Variants in FAM135A observed in about 807,000 individuals in gnomAD.
FAM135A encodes family with sequence similarity 135 member A.
In FAM135A, 79 loss-of-function variants were observed where a neutral mutation model predicts 146.8. The ratio of observed to expected loss-of-function variants is 0.54; its 90% CI spans 0.45 to 0.65. The LOEUF (loss-of-function observed/expected upper bound fraction) is 0.65. Among genes scored for constraint, FAM135A ranks in the 30% least tolerant of loss-of-function variants. The probability of loss-of-function intolerance (pLI) is 0.00; values close to 1 mark genes in which losing one functional copy is unlikely to be tolerated. For synonymous variants in FAM135A, 562 were observed against 603.6 expected, an observed-to-expected ratio of 0.93 and a Z score of 1.01; for missense variants, 1,623 against 1,758.2, an observed-to-expected ratio of 0.92 and a Z score of 1.38.
chr6:70,547,016 A>G (rs1798974264), intron 20 of FAM135A, among the ~76,000 whole-genome samples: 1 of 152,244 alleles, frequency 6.6e-6, no homozygotes, highest in Non-Finnish European at 1.5e-5. Flanking sequence ...TTCCATAATG[A>G]GGGCTCAAAA....
intron 20 of FAM135A, among the ~76,000 whole-genome samples, chr6:70,550,458 A>G (rs551009471): frequency 2.0e-5 from 3 of 152,334 alleles, no homozygotes; most frequent in Admixed American, 6.5e-5. Context: ...ATCTCCTTGT[A>G]TATCTCCATG....
At chr6:70,540,318 CTTTTTTTTT>C (rs1190614826) in intron 20 of FAM135A, among the ~76,000 whole-genome samples, 1 of 81,538 alleles carries the variant, frequency 1.2e-5, no homozygotes, top group Non-Finnish European at 2.2e-5. Context: ...ATTCCTGCTA[CTTTTTTTTT>C]TTTTTTTTTT....
At position 70,474,285 on chromosome 6, in the gene FAM135A, T is replaced by C. The variant is rs117447954; in HGVS notation, c.158-1125T>C. Among the ~76,000 whole-genome samples, 535 of 152,272 alleles carry C rather than the reference T, an allele frequency of 3.5e-3. 1 individual carries two copies. Among genetic ancestry groups the C allele is most frequent in the Non-Finnish European group, 3.7e-3 (250 of 68,020 alleles). On this transcript the variant is annotated intron_variant, in intron 5 of 21. Coordinates refer to ENST00000418814, the MANE Select transcript of FAM135A (RefSeq NM_001162529.3). Reference sequence around the variant, plus strand: ...TTCTTTTTCTTTTTCTTTTTCTTTTTTTTCTCTAGTTTCAATTGTTATTTC... The same window carrying C: ...TTCTTTTTCTTTTTCTTTTTCTTTTCTTTCTCTAGTTTCAATTGTTATTTC...
At chr6:70,505,735 G>A (rs918331619) in intron 12 of FAM135A, among the ~76,000 whole-genome samples, 3 of 151,562 alleles carry the variant, frequency 2.0e-5, no homozygotes, top group Middle Eastern at 3.2e-3. Flanking sequence ...TTCTTGAATT[G>A]TCTCACCAGA....
intron 11 of FAM135A, among the ~76,000 whole-genome samples, chr6:70,495,382 C>T (rs1487354102): frequency 2.0e-5 from 3 of 152,040 alleles, no homozygotes; most frequent in African/African-American, 7.2e-5. Context: ...TACTATGTAC[C>T]AGTAATTAGA....
At chr6:70,428,675 A>G (rs973191671) in intron 4 of FAM135A, among the ~76,000 whole-genome samples, 1 of 152,162 alleles carries the variant, frequency 6.6e-6, no homozygotes, top group Non-Finnish European at 1.5e-5. Flanking sequence ...CTGTAAATGT[A>G]TAAGGTCTAA....
intron 5 of FAM135A, among the ~76,000 whole-genome samples, chr6:70,469,849 A>C (rs1366459366): frequency 6.6e-6 from 1 of 152,128 alleles, no homozygotes; most frequent in African/African-American, 2.4e-5. Context: ...CAACATAATG[A>C]GACCTCATCT....
At chr6:70,539,664 TTAATA>T (rs1797478088) in intron 20 of FAM135A, among the ~76,000 whole-genome samples, 2 of 152,152 alleles carry the variant, frequency 1.3e-5, no homozygotes, top group African/African-American at 4.8e-5. Context: ...CTATTATTCT[TTAATA>T]TAATGACCTC....
Position 70,525,091 on chromosome 6 carries a change from A to T in FAM135A, c.2007A>T (p.Gly669=). The T allele has an allele frequency of 6.4e-7, 1 of 1,571,276 alleles. No homozygotes were observed. The highest frequency in any genetic ancestry group is 8.6e-7 in the Non-Finnish European group (1 of 1,164,812). Residue 669 remains glycine, a synonymous_variant, in exon 15 of 22, where the codon GGA becomes GGT. Transcript: ENST00000418814. ...IKPSNKDPFS[G]ENITVKLGPW... The stretch of plus-strand genomic sequence containing the variant: ...CCAGTAATAAAGATCCTTTCAGTGG[A>T]GAGAATATAACTGTCAAACTAGGAC...
chr6:70,450,448 G>T (rs1456665907), intron 4 of FAM135A, among the ~76,000 whole-genome samples: 1 of 151,938 alleles, frequency 6.6e-6, no homozygotes. Flanking sequence ...TTTGTATATG[G>T]TATGAGATAA....
At chr6:70,423,895 A>C (rs1227721888) in intron 2 of FAM135A, among the ~76,000 whole-genome samples, 1 of 152,192 alleles carries the variant, frequency 6.6e-6, no homozygotes, top group East Asian at 1.9e-4. Flanking sequence ...AAGTCCAGTG[A>C]CCTATAAACA....
intron 20 of FAM135A, among the ~76,000 whole-genome samples, chr6:70,552,465 C>CTTTTTT (rs35509125): frequency 1.0e-5 from 1 of 96,834 alleles, no homozygotes. Context: ...GTTGAAGATT[C>CTTTTTT]TTTTTTTTTT....
rs545931278 is a variant in FAM135A at position 70,488,518 on chromosome 6, A to G, written c.824-2516A>G. On this transcript the variant is annotated intron_variant, in intron 10 of 21. Transcript: ENST00000418814. The stretch of plus-strand genomic sequence containing the variant: ...CATCACATTTATACATTTCTATAAA[A>G]CTGTATAAATGGATATACAGTATAC... Among the ~76,000 whole-genome samples, 5 of 148,588 alleles carry G rather than the reference A, an allele frequency of 3.4e-5. No individual in the cohort carries two copies. The East Asian group carries it at 1.1e-3, about 32-fold the overall frequency.
At chr6:70,458,826 CA>C (rs1270631676) in intron 5 of FAM135A, among the ~76,000 whole-genome samples, 61 of 152,242 alleles carry the variant, frequency 4.0e-4, no homozygotes, top group African/African-American at 1.4e-3. Context: ...AGAAGGCTGC[CA>C]ACTTATTACA....
chr6:70,453,482 G>T (rs1436646680), intron 5 of FAM135A, among the ~76,000 whole-genome samples: 1 of 152,038 alleles, frequency 6.6e-6, no homozygotes, highest in Non-Finnish European at 1.5e-5. Flanking sequence ...GTTTGCATAT[G>T]TATACATGTG....
At chr6:70,526,991 C>G (rs1019462793) in intron 15 of FAM135A, among the ~76,000 whole-genome samples, 4 of 151,960 alleles carry the variant, frequency 2.6e-5, no homozygotes, top group African/African-American at 9.7e-5. Flanking sequence ...GATAGACATT[C>G]CTGATACAGA....
In FAM135A at chr6:70,525,098, A is replaced by T. The variant is rs1479174340; in HGVS notation, c.2014A>T (p.Ile672Leu). 1 of 1,567,894 alleles carries T rather than the reference A, an allele frequency of 6.4e-7. No individual in the cohort carries two copies. Among genetic ancestry groups the T allele is most frequent in the South Asian group, 1.2e-5 (1 of 80,996 alleles). ...TAAAGATCCTTTCAGTGGAGAGAAT[A>T]TAACTGTCAAACTAGGACCTTGGAC... ...SNKDPFSGEN[I>L]TVKLGPWTEL... Residue 672 changes from isoleucine (I) to leucine (L), a missense_variant, in exon 15 of 22, where the codon ATA (isoleucine) becomes TTA (leucine). Physicochemically the swap from Ile to Leu is conservative, Grantham distance 5. Coordinates refer to ENST00000418814, the MANE Select transcript of FAM135A (RefSeq NM_001162529.3).
At chr6:70,423,404 C>T (rs143567190) in intron 2 of FAM135A, among the ~76,000 whole-genome samples, 124 of 152,232 alleles carry the variant, frequency 8.1e-4, no homozygotes, top group African/African-American at 3.0e-3. Flanking sequence ...CAAAGAGTTA[C>T]GAGACATGAA....
At chr6:70,429,862 A>C (rs551143704) in intron 4 of FAM135A, among the ~76,000 whole-genome samples, 1 of 152,308 alleles carries the variant, frequency 6.6e-6, no homozygotes, top group Admixed American at 6.5e-5. Context: ...GAGTGGTGGC[A>C]GTGGGACTAA....
Sources: allele counts gnomAD v4.1 joint callset (sites outside exome capture counted in the v4.1 genomes callset), GRCh38; gene constraint gnomAD v4.1.1; transcripts MANE v1.5; gene names NCBI Gene and HGNC (gene_info 2026-07-23, HGNC 2026-07-21).